CYP27A1: variants seen among roughly 807,000 people sequenced by gnomAD.
CYP27A1 encodes cytochrome P450 family 27 subfamily A member 1.
CYP27A1 carries 46 observed loss-of-function variants against 58.2 expected under a neutral mutation model. The ratio of observed to expected loss-of-function variants is 0.79; its 90% CI spans 0.62 to 1.01. The LOEUF is 1.01. CYP27A1 is among the 50% of genes least tolerant of loss of function. The pLI is 0.00. For synonymous variants in CYP27A1, 274 were observed against 285.1 expected (o/e 0.96, Z 0.39); for missense variants, 704 against 687.0 (o/e 1.02, Z -0.28).
chr2:218,782,180 C>A lies in CYP27A1; in HGVS notation c.-3C>A. 1 of 1,536,124 alleles carries A rather than the reference C, an allele frequency of 6.5e-7. No homozygotes were observed. The highest frequency in any genetic ancestry group is 8.7e-7 in the Non-Finnish European group (1 of 1,146,088). ...CAAAGGTGCAGGCGCGCGAGCACAA[C>A]CCATGGCTGCGCTGGGCTGCGCGAG... On this transcript the variant is annotated 5_prime_UTR_variant, in exon 1 of 9. Coordinates refer to ENST00000258415, the MANE Select transcript of CYP27A1 (RefSeq NM_000784.4). The surrounding 1 kb of genome is among the most constrained non-coding windows in gnomAD (Gnocchi z 4.1).
chr2:218,789,305 G>A (rs750254662), intron 1 of CYP27A1, among the ~76,000 whole-genome samples: 9 of 152,304 alleles, frequency 5.9e-5, no homozygotes, highest in African/African-American at 1.7e-4. Flanking sequence ...TGGAAAGAAC[G>A]TGTTGAAAAA....
intron 1 of CYP27A1, among the ~76,000 whole-genome samples, chr2:218,787,655 T>A (rs1475496163): frequency 6.6e-6 from 1 of 152,202 alleles, no homozygotes; most frequent in Non-Finnish European, 1.5e-5. Flanking sequence ...GAGTGGTTAC[T>A]GATAAAAGAT....
intron 6 of CYP27A1, 30 bp downstream of exon 6, chr2:218,814,217 A>G (rs1943758048): frequency 6.2e-7 from 1 of 1,614,000 alleles, no homozygotes; most frequent in Non-Finnish European, 8.5e-7. Flanking sequence ...TGGGGGGCAC[A>G]GGATCTCTTT....
chr2:218,814,755 AG>A lies in CYP27A1; in HGVS notation c.1476+1del. ...AELEMQLLLA[R>X]LIQKYKVVLA... ...GCTGGAGATGCAGCTACTCCTCGCA[AG>A]GGTGAGCTGGGAGAGGCTAGTAGGG... On this transcript the variant is annotated frameshift_variant and splice_region_variant, in exon 8 of 9. Transcript: ENST00000258415. LOFTEE classifies it high-confidence loss of function. 6.2e-7 allele frequency: 1 copy of A among 1,614,082 alleles called. No individual in the cohort carries two copies. The highest frequency in any genetic ancestry group is 8.5e-7 in the Non-Finnish European group (1 of 1,180,002).
rs920642857 is a variant in CYP27A1 at position 218,815,103 on chromosome 2, T to A, written c.*73T>A. 1 of 1,591,808 alleles carries A rather than the reference T, an allele frequency of 6.3e-7. No individual in the cohort carries two copies. The highest frequency in any genetic ancestry group is 1.3e-5 in the African/African-American group (1 of 74,488). On this transcript the variant is annotated 3_prime_UTR_variant, in exon 9 of 9. Transcript: ENST00000258415. ...GCACAGTGGTTCCTGGCTGCTGCCATGTCTCAGATGAGGAGGGAGAGAAGG... is the reference window on the plus strand; with the variant it reads ...GCACAGTGGTTCCTGGCTGCTGCCAAGTCTCAGATGAGGAGGGAGAGAAGG...
intron 6 of CYP27A1, 42 bp downstream of exon 6, chr2:218,814,229 T>C (rs781590975): frequency 6.2e-7 from 1 of 1,613,364 alleles, no homozygotes; most frequent in African/African-American, 1.3e-5. Context: ...GATCTCTTTG[T>C]GGGGAGGGAA....
chr2:218,814,179 G>C lies in CYP27A1; in HGVS notation c.1176G>C (p.Glu392Asp). 6.2e-7 allele frequency: 1 copy of C among 1,614,244 alleles called. No individual in the cohort carries two copies. The highest frequency in any genetic ancestry group is 8.5e-7 in the Non-Finnish European group (1 of 1,180,044). The change falls in exon 6 of 9, where the codon GAG (glutamate) becomes GAC (aspartate). Residue 392 changes from glutamate to aspartate, a missense_variant. Glu to Asp is a conservative substitution (Grantham distance 45). Coordinates refer to ENST00000258415, the MANE Select transcript of CYP27A1 (RefSeq NM_000784.4). ...CGTTGCTCAAAGCTGTGCTTAAGGAGACTCTGCGGTAGGACAGAATGCTGT... is the reference window on the plus strand; with the variant it reads ...CGTTGCTCAAAGCTGTGCTTAAGGACACTCTGCGGTAGGACAGAATGCTGT... Reference protein sequence around the residue: ...HMPLLKAVLKETLRLYPVVPT... With the variant: ...HMPLLKAVLKDTLRLYPVVPT...
At chr2:218,811,720 T>A (rs1389810481) in intron 2 of CYP27A1, among the ~76,000 whole-genome samples, 1 of 152,226 alleles carries the variant, frequency 6.6e-6, no homozygotes, top group East Asian at 1.9e-4. Context: ...TGGTCCTCCT[T>A]TATTCCTCAG....
chr2:218,812,432 T>G lies in CYP27A1; in HGVS notation c.646+11T>G. 6.2e-7 allele frequency: 1 copy of G among 1,614,102 alleles called. No individual in the cohort carries two copies. On this transcript the variant is annotated intron_variant, in intron 3 of 8. Coordinates refer to ENST00000258415, the MANE Select transcript of CYP27A1 (RefSeq NM_000784.4). ...ACTTTGCCTTGGAAGGTACCCTTGC[T>G]GGGAGAGGGGCTGGGGAAGGGAATG...
chr2:218,813,021 ACTGGC>A lies in CYP27A1; in HGVS notation c.944_948del (p.Leu315GlnfsTer15), dbSNP rs397515356. On this transcript the variant is annotated frameshift_variant, in exon 5 of 9. Coordinates refer to ENST00000258415, the MANE Select transcript of CYP27A1 (RefSeq NM_000784.4). LOFTEE classifies it high-confidence loss of function. ...AGGTGTCTGGCTACCTGCACTTCTT[ACTGGC>A]CAGTGGACAGCTCAGTCCTCGGGAG... 13 of 1,614,122 alleles carry A rather than the reference ACTGGC, an allele frequency of 8.1e-6. No individual in the cohort carries two copies. The Admixed American group carries it at 1.0e-4, about 12-fold the overall frequency.
At chr2:218,792,321 C>T (rs868119597) in intron 1 of CYP27A1, among the ~76,000 whole-genome samples, 2 of 152,118 alleles carry the variant, frequency 1.3e-5, no homozygotes, top group Non-Finnish European at 2.9e-5. Context: ...GGAGTTCATT[C>T]AAACTGTATA....
chr2:218,801,937 G>A (rs986044091), intron 1 of CYP27A1, among the ~76,000 whole-genome samples: 2 of 151,284 alleles, frequency 1.3e-5, no homozygotes, highest in African/African-American at 4.9e-5. Context: ...CATTTGACTT[G>A]CCAGGCCCTG....
chr2:218,805,325 T>A (rs1033298388), intron 1 of CYP27A1, among the ~76,000 whole-genome samples: 4 of 152,190 alleles, frequency 2.6e-5, no homozygotes, highest in African/African-American at 9.6e-5. Flanking sequence ...GTCTGCAACA[T>A]GTTTCTTTCT....
At chr2:218,812,778 A>G in intron 4 of CYP27A1, 29 bp downstream of exon 4, 1 of 1,612,886 alleles carries the variant, frequency 6.2e-7, no homozygotes, top group Non-Finnish European at 8.5e-7. Context: ...GGCCCAGGGA[A>G]GAGAGATGGG....
At chr2:218,804,254 T>C (rs887262509) in intron 1 of CYP27A1, among the ~76,000 whole-genome samples, 1 of 152,230 alleles carries the variant, frequency 6.6e-6, no homozygotes, top group Non-Finnish European at 1.5e-5. Context: ...CTTCATTCTT[T>C]TGCATTTAGT....
At chr2:218,783,303 G>A (rs550930794) in intron 1 of CYP27A1, among the ~76,000 whole-genome samples, 66 of 151,394 alleles carry the variant, frequency 4.4e-4, no homozygotes, top group African/African-American at 1.5e-3. Flanking sequence ...AAATCAGCCT[G>A]TAGTCTGTGT....
intron 1 of CYP27A1, among the ~76,000 whole-genome samples, chr2:218,790,553 G>T (rs981867645): frequency 2.0e-5 from 3 of 152,162 alleles, no homozygotes; most frequent in Non-Finnish European, 4.4e-5. Flanking sequence ...CAGCTGCATA[G>T]ATACTTCCCT....
intron 1 of CYP27A1, among the ~76,000 whole-genome samples, chr2:218,787,518 G>A (rs142236757): frequency 1.4e-4 from 22 of 152,292 alleles, no homozygotes; most frequent in Non-Finnish European, 2.5e-4. Context: ...TATATAATGA[G>A]GAGGTGCTAT....
At chr2:218,792,681 T>C (rs1943504821) in intron 1 of CYP27A1, among the ~76,000 whole-genome samples, 1 of 152,146 alleles carries the variant, frequency 6.6e-6, no homozygotes, top group Admixed American at 6.6e-5. Flanking sequence ...ATGACACAAC[T>C]GACAAGGAAA....
Sources: allele counts gnomAD v4.1 joint callset (sites outside exome capture counted in the v4.1 genomes callset), GRCh38; gene constraint gnomAD v4.1.1; non-coding constraint Gnocchi (gnomAD v3.1); transcripts MANE v1.5; gene names NCBI Gene and HGNC (gene_info 2026-07-23, HGNC 2026-07-21).